The following ATP10B variants were observed in gnomAD, a reference collection of about 807,000 sequenced individuals.
The protein encoded by ATP10B is phospholipid-transporting ATPase VB.
A neutral mutation model predicts 141.2 loss-of-function variants in ATP10B; 122 were observed. That is an observed-to-expected ratio of 0.86 (90% CI 0.75 to 1.00). The LOEUF (loss-of-function observed/expected upper bound fraction) is 1.00. Among genes scored for constraint, ATP10B ranks in the 50% least tolerant of loss-of-function variants. ATP10B has a pLI of 0.00. For missense variants in ATP10B, 1,876 were observed against 1,825.3 expected (o/e 1.03, Z -0.51); for synonymous variants, 685 against 692.0 (o/e 0.99, Z 0.16).
intron 7 of ATP10B, among the ~76,000 whole-genome samples, chr5:160,651,504 A>G (rs1469860327): frequency 6.6e-6 from 1 of 151,990 alleles, no homozygotes; most frequent in East Asian, 1.9e-4. Context: ...ATTGTGCCTC[A>G]AAAAACAGAA....
chr5:160,843,639 G>A (rs1775939474), intron 1 of ATP10B, among the ~76,000 whole-genome samples: 1 of 151,822 alleles, frequency 6.6e-6, no homozygotes, highest in South Asian at 2.1e-4. Context: ...TTGACAAATT[G>A]TGAACCTAAA....
At chr5:160,674,915 G>T (rs1276244280) in intron 6 of ATP10B, among the ~76,000 whole-genome samples, 2 of 152,078 alleles carry the variant, frequency 1.3e-5, no homozygotes, top group African/African-American at 2.4e-5. Flanking sequence ...ATGAGATCAG[G>T]GATATTTCCT....
At chr5:160,688,713 T>G in intron 4 of ATP10B, 47 bp downstream of exon 4, 4 of 958,154 alleles carry the variant, frequency 4.2e-6, no homozygotes, top group Non-Finnish European at 5.0e-6. Context: ...TAGGTTTTCT[T>G]TGGCGCTAAC....
At chr5:160,884,728 GTTAAT>G in the ATP10B span, among the ~76,000 whole-genome samples, 18 of 152,050 alleles carry the variant, frequency 1.2e-4, no homozygotes, top group Admixed American at 4.6e-4. Context: ...TAAGTGAAAA[GTTAAT>G]TTAAAGAAAA....
At chr5:160,623,845 C>A (rs907165181) in intron 13 of ATP10B, among the ~76,000 whole-genome samples, 4 of 152,124 alleles carry the variant, frequency 2.6e-5, no homozygotes, top group East Asian at 1.9e-4. Context: ...CTTGCTTTGG[C>A]CTGTATTTTA....
intron 12 of ATP10B, 52 bp from the exon 13 acceptor site, chr5:160,632,419 G>A (rs750861152): frequency 1.3e-6 from 2 of 1,561,182 alleles, no homozygotes. Flanking sequence ...GCTGGACCAT[G>A]TTGGGGAAAA....
At chr5:160,894,630 T>G in the ATP10B span, among the ~76,000 whole-genome samples, 1 of 152,146 alleles carries the variant, frequency 6.6e-6, no homozygotes, top group South Asian at 2.1e-4. Context: ...AAAACACTCT[T>G]CAGGATATTA....
chr5:160,573,361 G>A (rs1475210249), intron 24 of ATP10B, among the ~76,000 whole-genome samples: 1 of 152,190 alleles, frequency 6.6e-6, no homozygotes, highest in Non-Finnish European at 1.5e-5. Context: ...TGTTATTTAA[G>A]CCACCCAGTC....
intron 1 of ATP10B, among the ~76,000 whole-genome samples, chr5:160,821,409 G>C (rs1227623166): frequency 6.6e-6 from 1 of 151,978 alleles, no homozygotes; most frequent in Non-Finnish European, 1.5e-5. Context: ...TGAATTGGAA[G>C]AATCAATACT....
the ATP10B span, among the ~76,000 whole-genome samples, chr5:160,877,328 TCAA>T: frequency 7.2e-6 from 1 of 138,132 alleles, no homozygotes; most frequent in East Asian, 2.4e-4. Context: ...TTGACAAAAT[TCAA>T]CAACCCTTCA....
chr5:160,581,885 C>G (rs1179756479), intron 24 of ATP10B, among the ~76,000 whole-genome samples: 1 of 152,034 alleles, frequency 6.6e-6, no homozygotes, highest in Non-Finnish European at 1.5e-5. Context: ...TTGCATTGAT[C>G]CCTTTACCAT....
chr5:160,565,648 T>C lies in ATP10B; in HGVS notation c.4191A>G (p.Val1397=), dbSNP rs3812005. The C allele has an allele frequency of 0.34, 554,707 of 1,613,718 alleles. 97,527 individuals carry two copies. The highest frequency in any genetic ancestry group is 0.44 in the African/African-American group (32,707 of 74,902). ...PPKRKHVEES[V]LHEQRCGTEC... is the part of the protein sequence containing the mutation. Reference sequence around the variant, plus strand: ...CCGTGCCACATCTCTGTTCGTGGAGTACTGACTCTTCCACATGCTTCCTCT... The same window carrying C: ...CCGTGCCACATCTCTGTTCGTGGAGCACTGACTCTTCCACATGCTTCCTCT... Residue 1397 remains valine (V), a synonymous_variant, in exon 26 of 26, where the codon GTA becomes GTG. Coordinates refer to ENST00000327245, the MANE Select transcript of ATP10B (RefSeq NM_025153.3).
the ATP10B span, among the ~76,000 whole-genome samples, chr5:160,909,240 G>A: frequency 6.6e-6 from 1 of 152,120 alleles, no homozygotes; most frequent in Admixed American, 6.6e-5. Flanking sequence ...AATTTATCTG[G>A]CAAAGAATTC....
At chr5:160,617,094 A>G (rs1758064148) in intron 16 of ATP10B, among the ~76,000 whole-genome samples, 1 of 152,162 alleles carries the variant, frequency 6.6e-6, no homozygotes, top group Non-Finnish European at 1.5e-5. Flanking sequence ...TGACCTAAGA[A>G]CCATAAAAGA....
the ATP10B span, among the ~76,000 whole-genome samples, chr5:160,881,694 C>CCA: frequency 6.6e-6 from 1 of 151,920 alleles, no homozygotes; most frequent in Non-Finnish European, 1.5e-5. Flanking sequence ...GCCTGTAGTC[C>CCA]CAGCTACTTG....
At chr5:160,683,218 G>A (rs1452795917) in intron 6 of ATP10B, among the ~76,000 whole-genome samples, 1 of 152,036 alleles carries the variant, frequency 6.6e-6, no homozygotes, top group Non-Finnish European at 1.5e-5. Flanking sequence ...TGGCTGTCCA[G>A]TGTGCTCATA....
chr5:160,612,969 A>C, intron 17 of ATP10B, 44 bp from the exon 18 acceptor site: 1 of 1,562,506 alleles, frequency 6.4e-7, no homozygotes, highest in Non-Finnish European at 8.7e-7. Flanking sequence ...ATCGTAAAAG[A>C]GTAGTTGCTT....
At chr5:160,719,764 C>G (rs1437821422) in intron 2 of ATP10B, among the ~76,000 whole-genome samples, 2 of 152,198 alleles carry the variant, frequency 1.3e-5, no homozygotes, top group Admixed American at 1.3e-4. Context: ...TAGATTATCT[C>G]TAATACTTAC....
At chr5:160,794,537 T>C (rs1273042761) in intron 1 of ATP10B, among the ~76,000 whole-genome samples, 1 of 152,216 alleles carries the variant, frequency 6.6e-6, no homozygotes, top group Non-Finnish European at 1.5e-5. Context: ...TTGTCATCAC[T>C]GGGCTGGGAT....
Sources: allele counts gnomAD v4.1 joint callset (sites outside exome capture counted in the v4.1 genomes callset), GRCh38; gene constraint gnomAD v4.1.1; transcripts MANE v1.5; gene names NCBI Gene and HGNC (gene_info 2026-07-23, HGNC 2026-07-21).